IL1RAPL2: variants seen among roughly 807,000 people sequenced by gnomAD.
IL1RAPL2 encodes the protein X-linked interleukin-1 receptor accessory protein-like 2.
In IL1RAPL2, 3 loss-of-function variants were observed where a neutral mutation model predicts 44.1. The observed-to-expected ratio is 0.07, with a 90% CI of 0.03 to 0.18. The LOEUF (loss-of-function observed/expected upper bound fraction) is 0.18. Among genes scored for constraint, IL1RAPL2 ranks in the 10% least tolerant of loss-of-function variants. The pLI is 1.00. For synonymous variants in IL1RAPL2, 181 were observed against 178.8 expected, an observed-to-expected ratio of 1.01 and a Z score of -0.10; for missense variants, 391 against 496.4, an observed-to-expected ratio of 0.79 and a Z score of 2.02.
intron 10 of IL1RAPL2, chrX:105,765,080 G>A (rs184263672): frequency 4.7e-5 from 5 of 105,980 alleles, no homozygotes; most frequent in African/African-American, 1.8e-4. Flanking sequence ...ATTGACTCCT[G>A]CACTGATATC....
intron 5 of IL1RAPL2, among the ~76,000 whole-genome samples, chrX:105,293,418 A>T (rs1487136785): frequency 8.9e-6 from 1 of 111,798 alleles, no homozygotes; most frequent in East Asian, 2.8e-4. Flanking sequence ...GAATTGCTGG[A>T]TCAAAGGTTA....
chrX:105,236,324 G>A (rs2034119672), intron 4 of IL1RAPL2, among the ~76,000 whole-genome samples: 1 of 112,225 alleles, frequency 8.9e-6, no homozygotes, highest in African/African-American at 3.2e-5. Context: ...CAATGGTGAA[G>A]CAACAGGCCT....
intron 5 of IL1RAPL2, among the ~76,000 whole-genome samples, chrX:105,288,768 G>A (rs986993567): frequency 9.0e-6 from 1 of 110,684 alleles, no homozygotes; most frequent in Non-Finnish European, 1.9e-5. Flanking sequence ...CATTAAATTT[G>A]TCTTGGTGGG....
chrX:105,353,880 A>C, intron 5 of IL1RAPL2, among the ~76,000 whole-genome samples: 1 of 111,618 alleles, frequency 9.0e-6, no homozygotes, highest in Middle Eastern at 4.6e-3. Flanking sequence ...ATCTGCAAAC[A>C]GGGACAATTT....
chrX:104,758,779 C>T (rs984928557), intron 2 of IL1RAPL2, among the ~76,000 whole-genome samples: 2 of 111,708 alleles, frequency 1.8e-5, no homozygotes, highest in African/African-American at 6.5e-5. Flanking sequence ...GTAATCCTCT[C>T]CCTGATGATC....
At chrX:105,659,680 A>T (rs5962295) in intron 6 of IL1RAPL2, among the ~76,000 whole-genome samples, 2,051 of 108,288 alleles carry the variant, frequency 0.019, 50 homozygotes, top group African/African-American at 0.065. Flanking sequence ...AAAATAAAAA[A>T]AAATAAATAA....
chrX:105,647,889 A>G (rs1361855957), intron 6 of IL1RAPL2, among the ~76,000 whole-genome samples: 2 of 111,372 alleles, frequency 1.8e-5, no homozygotes, highest in Non-Finnish European at 3.8e-5. Context: ...TCTGCTTGTT[A>G]GTGGACTTGA....
intron 2 of IL1RAPL2, among the ~76,000 whole-genome samples, chrX:105,176,291 G>T (rs2033473313): frequency 9.0e-6 from 1 of 111,143 alleles, no homozygotes; most frequent in Non-Finnish European, 1.9e-5. Flanking sequence ...GAGGGAAAAA[G>T]GTGAGGCCAG....
chrX:104,922,437 A>G (rs1924669234), intron 2 of IL1RAPL2, among the ~76,000 whole-genome samples: 1 of 112,657 alleles, frequency 8.9e-6, no homozygotes, highest in Admixed American at 9.3e-5. Context: ...GGGAAATGAG[A>G]TAAGCTTCCC....
intron 1 of IL1RAPL2, among the ~76,000 whole-genome samples, chrX:104,639,889 G>T (rs1444215838): frequency 9.0e-6 from 1 of 111,546 alleles, no homozygotes; most frequent in Non-Finnish European, 1.9e-5. Flanking sequence ...ATGACTAGAT[G>T]CTTTTATTTT....
chrX:105,122,135 A>G (rs2032931519), intron 2 of IL1RAPL2, among the ~76,000 whole-genome samples: 1 of 111,480 alleles, frequency 9.0e-6, no homozygotes, highest in African/African-American at 3.3e-5. Context: ...TGGTCCCTGG[A>G]GTGTCTCTAT....
chrX:105,147,927 A>G (rs1409141928), intron 2 of IL1RAPL2, among the ~76,000 whole-genome samples: 1 of 111,009 alleles, frequency 9.0e-6, no homozygotes, highest in Non-Finnish European at 1.9e-5. Context: ...AACATCTACT[A>G]TGTTCTCTAA....
intron 2 of IL1RAPL2, among the ~76,000 whole-genome samples, chrX:104,676,757 C>T (rs979790239): frequency 4.5e-5 from 5 of 111,893 alleles, no homozygotes; most frequent in Admixed American, 2.8e-4. Context: ...TAGATTTGGT[C>T]TTTTCACATA....
intron 2 of IL1RAPL2, among the ~76,000 whole-genome samples, chrX:104,748,033 G>A (rs1384566659): frequency 9.0e-6 from 1 of 111,296 alleles, no homozygotes; most frequent in Non-Finnish European, 1.9e-5. Flanking sequence ...ACATACATCT[G>A]GAATAAGTCT....
rs769803393 is a variant in IL1RAPL2 at position 104,783,202 on chromosome X, G to A, written c.82+124207G>A. On this transcript the variant is annotated intron_variant, in intron 2 of 10. Coordinates refer to ENST00000372582, the MANE Select transcript of IL1RAPL2 (RefSeq NM_017416.2). The stretch of plus-strand genomic sequence containing the variant: ...TAGATGTGAGTGGGTGGGCAGGTAG[G>A]TACTTTATGTAATCTGATAGGAGGA... 3.6e-5 allele frequency among the ~76,000 whole-genome samples: 4 copies of A among 111,967 alleles called. No homozygotes were observed. The South Asian group carries it at 1.1e-3, about 32-fold the overall frequency.
At chrX:105,099,535 G>A (rs959169532) in intron 2 of IL1RAPL2, among the ~76,000 whole-genome samples, 25 of 86,455 alleles carry the variant, frequency 2.9e-4, no homozygotes, top group African/African-American at 1.0e-3. Flanking sequence ...CGCGATCTCC[G>A]CTCACTGCAA....
At chrX:105,023,765 T>C in intron 2 of IL1RAPL2, among the ~76,000 whole-genome samples, 1 of 110,777 alleles carries the variant, frequency 9.0e-6, no homozygotes, top group Admixed American at 9.6e-5. Flanking sequence ...AATAAAGTGG[T>C]AAGAAGAATA....
chrX:105,533,973 T>C lies in IL1RAPL2; in HGVS notation c.772+49586T>C, dbSNP rs915457346. On this transcript the variant is annotated intron_variant, in intron 6 of 10. Transcript: ENST00000372582. Reference sequence around the variant, plus strand: ...CTTCATTGTGCAGTTTTCCTATGTATAGAGATATAGATTATGGCTAACATT... The same window carrying C: ...CTTCATTGTGCAGTTTTCCTATGTACAGAGATATAGATTATGGCTAACATT... Among the ~76,000 whole-genome samples, 4 of 112,390 alleles carry C rather than the reference T, an allele frequency of 3.6e-5. No homozygotes were observed. In the Admixed American group the frequency reaches 3.8e-4, roughly 11 times the overall value.
intron 5 of IL1RAPL2, among the ~76,000 whole-genome samples, chrX:105,291,404 T>A (rs1412983935): frequency 1.8e-5 from 2 of 111,851 alleles, no homozygotes; most frequent in African/African-American, 3.2e-5. Context: ...TCATAATGGA[T>A]TTGTGGCATT....
Sources: gnomAD v4.1 joint callset for allele counts (sites outside exome capture counted in the v4.1 genomes callset) on GRCh38, gnomAD v4.1.1 for gene constraint, MANE v1.5 for transcripts, NCBI Gene and HGNC (gene_info 2026-07-23, HGNC 2026-07-21) for gene names.